The following MIPOL1 variants were observed in gnomAD, a reference collection of about 807,000 sequenced individuals.
MIPOL1 encodes the protein mirror-image polydactyly 1.
MIPOL1 carries 57 observed loss-of-function variants against 60.9 expected under a neutral mutation model. That is an observed-to-expected ratio of 0.94 (90% CI 0.76 to 1.17). The LOEUF (loss-of-function observed/expected upper bound fraction) is 1.17. Among genes scored for constraint, MIPOL1 ranks in the 50% most tolerant of loss-of-function variants. The pLI, the probability that MIPOL1 is intolerant of heterozygous loss-of-function variation, is 0.00. For missense variants in MIPOL1, 551 were observed against 511.6 expected (o/e 1.08, Z -0.74); for synonymous variants, 179 against 168.8 (o/e 1.06, Z -0.47).
At chr14:37,261,156 T>G (rs1385387220) in intron 3 of MIPOL1, among the ~76,000 whole-genome samples, 1 of 152,066 alleles carries the variant, frequency 6.6e-6, no homozygotes, top group Non-Finnish European at 1.5e-5. Flanking sequence ...ATTTTCTCTT[T>G]GTGTTTATGT....
At chr14:37,533,316 T>C (rs372859835) in intron 12 of MIPOL1, among the ~76,000 whole-genome samples, 3 of 152,170 alleles carry the variant, frequency 2.0e-5, no homozygotes, top group South Asian at 4.1e-4. Context: ...TTTCTATTTA[T>C]TATATCCTTA....
intron 9 of MIPOL1, among the ~76,000 whole-genome samples, chr14:37,364,764 T>C (rs1006296442): frequency 1.3e-5 from 2 of 152,204 alleles, no homozygotes; most frequent in East Asian, 3.9e-4. Flanking sequence ...GTGAAGAATG[T>C]CATTGTTATT....
At chr14:37,293,571 G>T (rs1334990179) in intron 7 of MIPOL1, among the ~76,000 whole-genome samples, 4 of 152,186 alleles carry the variant, frequency 2.6e-5, no homozygotes, top group Non-Finnish European at 5.9e-5. Flanking sequence ...AAAGAAAGGG[G>T]TGACAGACGG....
At chr14:37,429,019 T>C (rs2094014244) in intron 11 of MIPOL1, among the ~76,000 whole-genome samples, 1 of 152,192 alleles carries the variant, frequency 6.6e-6, no homozygotes, top group African/African-American at 2.4e-5. Flanking sequence ...TTAGTAAATA[T>C]TAGTACCTCC....
intron 12 of MIPOL1, among the ~76,000 whole-genome samples, chr14:37,509,317 T>TATGC (rs1273984163): frequency 6.6e-6 from 1 of 151,952 alleles, no homozygotes; most frequent in African/African-American, 2.4e-5. Context: ...ATATTATATG[T>TATGC]ATGCATGTGT....
chr14:37,472,971 A>G (rs2094711885), intron 11 of MIPOL1, among the ~76,000 whole-genome samples: 1 of 152,116 alleles, frequency 6.6e-6, no homozygotes, highest in Admixed American at 6.5e-5. Context: ...TTCAGGTCTG[A>G]TTAGGTCCAA....
chr14:37,471,254 T>A (rs7148547), intron 11 of MIPOL1, among the ~76,000 whole-genome samples: 34,980 of 152,068 alleles, frequency 0.23, 4,559 homozygotes, highest in South Asian at 0.33. Context: ...CCAAGAGAAA[T>A]CCCATCTTTT....
intron 11 of MIPOL1, among the ~76,000 whole-genome samples, chr14:37,468,053 CAA>C (rs1231830627): frequency 2.0e-4 from 20 of 101,808 alleles, no homozygotes; most frequent in Admixed American, 2.0e-4. Context: ...GTCTCCATCT[CAA>C]AAAAAAAAAA....
At chr14:37,215,803 C>CA (rs1284782320) in intron 1 of MIPOL1, among the ~76,000 whole-genome samples, 2 of 152,172 alleles carry the variant, frequency 1.3e-5, no homozygotes, top group African/African-American at 2.4e-5. Flanking sequence ...TGTGATGGCT[C>CA]ACGCCTGTAA....
At chr14:37,456,950 A>G (rs2094483012) in intron 11 of MIPOL1, among the ~76,000 whole-genome samples, 1 of 152,202 alleles carries the variant, frequency 6.6e-6, no homozygotes, top group Non-Finnish European at 1.5e-5. Flanking sequence ...AATTGTAACT[A>G]ATATCCTTTT....
At chr14:37,416,276 A>G (rs539545704) in intron 10 of MIPOL1, among the ~76,000 whole-genome samples, 1 of 152,334 alleles carries the variant, frequency 6.6e-6, no homozygotes, top group African/African-American at 2.4e-5. Context: ...ATCCTATGAC[A>G]TACAGTAAAA....
chr14:37,311,538 A>G (rs1412373343), intron 9 of MIPOL1, among the ~76,000 whole-genome samples: 12 of 152,320 alleles, frequency 7.9e-5, no homozygotes, highest in Non-Finnish European at 1.2e-4. Context: ...CTCTGGCTCA[A>G]TAAATACTCA....
chr14:37,525,580 C>T (rs1256965617), intron 12 of MIPOL1, among the ~76,000 whole-genome samples: 1 of 152,028 alleles, frequency 6.6e-6, no homozygotes, highest in African/African-American at 2.4e-5. Flanking sequence ...ACTTAAAACC[C>T]TTGGGTTTAT....
chr14:37,247,151 A>G lies in MIPOL1; in HGVS notation c.-150A>G, dbSNP rs1973314082. The G allele has an allele frequency of 6.6e-6, 1 of 152,526 alleles. No individual in the cohort carries two copies. Among genetic ancestry groups the G allele is most frequent in the African/African-American group, 2.4e-5 (1 of 41,458 alleles). The allele number at this position is 152,526 out of a possible 1,614,324, so 9.4% of individuals were successfully genotyped here. On this transcript the variant is annotated 5_prime_UTR_variant, in exon 2 of 13. Coordinates refer to ENST00000684589, the MANE Select transcript of MIPOL1 (RefSeq NM_001388067.1). ...CTTAGAAAAAGATTGCCAATTCCAA[A>G]TCAACATATTTAGAGAAAATTGGAA... is the stretch of plus-strand genomic sequence containing the variant.
At chr14:37,451,569 T>TTTTTTTTTTTTGAGAC (rs1566628576) in intron 11 of MIPOL1, among the ~76,000 whole-genome samples, 5 of 151,084 alleles carry the variant, frequency 3.3e-5, no homozygotes, top group African/African-American at 1.2e-4. Context: ...TGGTGATTCT[T>TTTTTTTTTTTTGAGAC]GTACATGGAA....
chr14:37,302,260 TTG>T lies in MIPOL1; in HGVS notation c.624-5794_624-5793del, dbSNP rs1400373390. On this transcript the variant is annotated intron_variant, in intron 7 of 12. Coordinates refer to ENST00000684589, the MANE Select transcript of MIPOL1 (RefSeq NM_001388067.1). Reference sequence around the variant, plus strand: ...AGGAATATACAAGCATTTGGAACTGTTGTTTTTTTTTTTTTTTTTTTTCTTGT... The same window carrying T: ...AGGAATATACAAGCATTTGGAACTGTTTTTTTTTTTTTTTTTTTTTCTTGT... 4.3e-3 allele frequency among the ~76,000 whole-genome samples: 189 copies of T among 43,850 alleles called. 1 individual carries two copies. Among genetic ancestry groups the T allele is most frequent in the African/African-American group, 0.014 (174 of 12,574 alleles). 28.8% of individuals were successfully genotyped at this position (43,850 alleles called of 152,430 possible).
intron 12 of MIPOL1, among the ~76,000 whole-genome samples, chr14:37,522,310 A>T (rs192741263): frequency 1.9e-4 from 29 of 152,254 alleles, no homozygotes; most frequent in Non-Finnish European, 1.9e-4. Context: ...CCAAAAAGGA[A>T]ATTTAATAGT....
chr14:37,541,240 C>T (rs1311506601), intron 12 of MIPOL1, among the ~76,000 whole-genome samples: 2 of 152,162 alleles, frequency 1.3e-5, no homozygotes, highest in Non-Finnish European at 2.9e-5. Flanking sequence ...TTAGCCTCAA[C>T]ACAAATCAAA....
At chr14:37,406,703 G>A (rs1050140230) in intron 10 of MIPOL1, among the ~76,000 whole-genome samples, 1 of 152,070 alleles carries the variant, frequency 6.6e-6, no homozygotes, top group Non-Finnish European at 1.5e-5. Context: ...CTGAGAAAAT[G>A]ACCTCAAGAA....
Sources: allele counts gnomAD v4.1 joint callset (sites outside exome capture counted in the v4.1 genomes callset), GRCh38; gene constraint gnomAD v4.1.1; transcripts MANE v1.5; gene names NCBI Gene and HGNC (gene_info 2026-07-23, HGNC 2026-07-21).